Variants in RBMS3 observed in about 807,000 individuals in gnomAD.
The protein encoded by RBMS3 is RNA binding motif single stranded interacting protein 3.
A neutral mutation model predicts 66.8 loss-of-function variants in RBMS3; 27 were observed. That is an observed-to-expected ratio of 0.40 (90% CI 0.30 to 0.56). The LOEUF (loss-of-function observed/expected upper bound fraction) is 0.56. Ranked by LOEUF, RBMS3 falls within the 20% of genes least tolerant of loss-of-function variation. RBMS3 has a pLI of 0.40. For missense variants in RBMS3, 513 were observed against 549.5 expected (o/e 0.93, Z 0.66); for synonymous variants, 188 against 183.0 (o/e 1.03, Z -0.22).
At chr3:29,664,968 A>G (rs781171120) in intron 4 of RBMS3, among the ~76,000 whole-genome samples, 1 of 152,200 alleles carries the variant, frequency 6.6e-6, no homozygotes, top group Non-Finnish European at 1.5e-5. Context: ...GGAAAAAGAA[A>G]AAAGAATATT....
intron 6 of RBMS3, among the ~76,000 whole-genome samples, chr3:29,834,551 A>G (rs2058457136): frequency 6.6e-6 from 1 of 152,062 alleles, no homozygotes; most frequent in African/African-American, 2.4e-5. Flanking sequence ...GATTAAAGTA[A>G]TACACGTAAA....
At chr3:29,481,106 T>G (rs750621600) in intron 2 of RBMS3, among the ~76,000 whole-genome samples, 40 of 152,184 alleles carry the variant, frequency 2.6e-4, no homozygotes, top group Non-Finnish European at 5.3e-4. Flanking sequence ...ATTTGTAAAA[T>G]GTAGTTAGAC....
intron 6 of RBMS3, among the ~76,000 whole-genome samples, chr3:29,783,664 T>A (rs182948848): frequency 2.0e-5 from 3 of 151,904 alleles, no homozygotes; most frequent in Non-Finnish European, 4.4e-5. Context: ...AGTCAACAAA[T>A]AGTAAGATGA....
rs139391476 is a variant in RBMS3, at chr3:29,746,124, T to A, written c.557+6247T>A. On this transcript the variant is annotated intron_variant, in intron 5 of 14. Coordinates refer to ENST00000383767, the MANE Select transcript of RBMS3 (RefSeq NM_001003793.3). ...TAATCATATGAAAATACAGGAATTT[T>A]AAAAAATATGTTAAATAACAATACT... Among the ~76,000 whole-genome samples the A allele has an allele frequency of 9.2e-5, 14 of 152,324 alleles. No individual in the cohort carries two copies. The East Asian group carries it at 1.9e-3, about 21-fold the overall frequency.
chr3:29,642,210 C>T (rs2049744365), intron 4 of RBMS3, among the ~76,000 whole-genome samples: 1 of 152,032 alleles, frequency 6.6e-6, no homozygotes, highest in African/African-American at 2.4e-5. Context: ...CAAGAGTTTG[C>T]AATTCTAAGT....
chr3:29,974,860 GT>G (rs895829739), intron 12 of RBMS3, among the ~76,000 whole-genome samples: 6 of 117,242 alleles, frequency 5.1e-5, no homozygotes, highest in Non-Finnish European at 7.5e-5. Context: ...TATAAAATAC[GT>G]TTCTATATTT....
chr3:29,475,093 A>G (rs979569471), intron 2 of RBMS3, among the ~76,000 whole-genome samples: 1 of 152,188 alleles, frequency 6.6e-6, no homozygotes, highest in African/African-American at 2.4e-5. Context: ...AAAGTGATAC[A>G]TATGGTAATG....
intron 1 of RBMS3, among the ~76,000 whole-genome samples, chr3:29,400,850 A>C (rs1301208510): frequency 6.6e-6 from 1 of 152,106 alleles, no homozygotes; most frequent in Admixed American, 6.6e-5. Flanking sequence ...AAGGGAGAAT[A>C]AGTCCACTGC....
chr3:29,533,696 G>A (rs2045449213), intron 3 of RBMS3, among the ~76,000 whole-genome samples: 1 of 152,262 alleles, frequency 6.6e-6, no homozygotes. Flanking sequence ...GGAATCACTT[G>A]AACTCGGGAG....
intron 1 of RBMS3, among the ~76,000 whole-genome samples, chr3:29,321,189 A>G (rs1363407495): frequency 6.6e-6 from 1 of 152,078 alleles, no homozygotes; most frequent in Non-Finnish European, 1.5e-5. Flanking sequence ...TGTACTAGAC[A>G]TGGGTTTTCC....
At chr3:29,362,024 G>A (rs1357228656) in intron 1 of RBMS3, among the ~76,000 whole-genome samples, 4 of 152,082 alleles carry the variant, frequency 2.6e-5, no homozygotes, top group Middle Eastern at 6.8e-3. Flanking sequence ...AAGTTTGATT[G>A]TCTGAAGCCT....
intron 2 of RBMS3, among the ~76,000 whole-genome samples, chr3:29,459,904 A>G (rs1209314401): frequency 6.6e-6 from 1 of 152,208 alleles, no homozygotes; most frequent in African/African-American, 2.4e-5. Flanking sequence ...ATCCAGTTCA[A>G]ACAATTTGCT....
chr3:29,733,600 G>A (rs774108915), intron 4 of RBMS3, among the ~76,000 whole-genome samples: 1 of 151,932 alleles, frequency 6.6e-6, no homozygotes, highest in Non-Finnish European at 1.5e-5. Context: ...GTTTTGATTT[G>A]CATTTCCCTG....
At chr3:29,717,393 T>C (rs554458284) in intron 4 of RBMS3, among the ~76,000 whole-genome samples, 19 of 152,248 alleles carry the variant, frequency 1.2e-4, no homozygotes, top group Admixed American at 6.5e-5. Flanking sequence ...ATAAATTGTA[T>C]TAATCTTATG....
At chr3:29,405,124 T>C (rs1171593386) in intron 1 of RBMS3, among the ~76,000 whole-genome samples, 1 of 152,140 alleles carries the variant, frequency 6.6e-6, no homozygotes, top group African/African-American at 2.4e-5. Context: ...CAAGTTTTCA[T>C]AGATTTTAAA....
At chr3:29,331,468 G>T (rs1351194610) in intron 1 of RBMS3, among the ~76,000 whole-genome samples, 1 of 152,042 alleles carries the variant, frequency 6.6e-6, no homozygotes, top group African/African-American at 2.4e-5. Flanking sequence ...ACTCTTGCTT[G>T]CCTTATTTCC....
chr3:29,698,251 A>C, intron 4 of RBMS3: 1 of 985,438 alleles, frequency 1.0e-6, no homozygotes, highest in Non-Finnish European at 1.2e-6. Context: ...AGAATTCTAC[A>C]TACACAGCAA....
intron 1 of RBMS3, among the ~76,000 whole-genome samples, chr3:29,412,393 T>C (rs1475182583): frequency 6.6e-6 from 1 of 152,156 alleles, no homozygotes; most frequent in Admixed American, 6.6e-5. Flanking sequence ...ATACATTTAT[T>C]ATAGTTCCCT....
At chr3:29,344,473 A>C (rs1184871420) in intron 1 of RBMS3, among the ~76,000 whole-genome samples, 2 of 152,186 alleles carry the variant, frequency 1.3e-5, no homozygotes, top group Non-Finnish European at 2.9e-5. Flanking sequence ...AGCAGTTTTG[A>C]ATCTTCTTTT....
Sources: gnomAD v4.1 joint callset for allele counts (sites outside exome capture counted in the v4.1 genomes callset) on GRCh38, gnomAD v4.1.1 for gene constraint, MANE v1.5 for transcripts, NCBI Gene and HGNC (gene_info 2026-07-23, HGNC 2026-07-21) for gene names.